The following PHLPP1 variants were observed in gnomAD, a reference collection of about 807,000 sequenced individuals.
PHLPP1 encodes the protein PH domain and leucine rich repeat protein phosphatase 1.
Under a neutral mutation model 117.2 loss-of-function variants are expected in PHLPP1, and 42 were observed. The observed-to-expected ratio is 0.36, with a 90% CI of 0.28 to 0.46. The LOEUF is 0.46. Among genes scored for constraint, PHLPP1 ranks in the 20% least tolerant of loss-of-function variants. The pLI, the probability that PHLPP1 is intolerant of heterozygous loss-of-function variation, is 1.00. For missense variants in PHLPP1, 2,084 were observed against 2,241.9 expected (o/e 0.93, Z 1.42); for synonymous variants, 1,042 against 970.7 (o/e 1.07, Z -1.37).
chr18:62,942,069 T>C (rs376101340), intron 11 of PHLPP1, among the ~76,000 whole-genome samples, 151 bp downstream of exon 11: 4 of 152,358 alleles, frequency 2.6e-5, no homozygotes, highest in African/African-American at 9.6e-5. Flanking sequence ...TAAGCTATGA[T>C]GACATTTCCC....
intron 1 of PHLPP1, among the ~76,000 whole-genome samples, chr18:62,826,045 G>C (rs550413540): frequency 6.6e-6 from 1 of 152,222 alleles, no homozygotes; most frequent in East Asian, 1.9e-4. Context: ...AAAGAAATGG[G>C]AATAGGCTCT....
chr18:62,812,395 CCA>C (rs1228471634), intron 1 of PHLPP1, among the ~76,000 whole-genome samples: 2 of 152,142 alleles, frequency 1.3e-5, no homozygotes, highest in Admixed American at 6.5e-5. Context: ...ATCCTGATTT[CCA>C]CACACACAGC....
chr18:62,857,099 T>C (rs1246012616), intron 3 of PHLPP1, among the ~76,000 whole-genome samples: 2 of 18,466 alleles, frequency 1.1e-4, no homozygotes, highest in Admixed American at 9.1e-4. Context: ...ACATGTTGAA[T>C]GAATGAAAAT....
At chr18:62,919,702 T>G (rs1909403028) in intron 9 of PHLPP1, among the ~76,000 whole-genome samples, 1 of 152,228 alleles carries the variant, frequency 6.6e-6, no homozygotes, top group Admixed American at 6.5e-5. Flanking sequence ...AAGATTAGAC[T>G]GATCTCTTCA....
At chr18:62,872,012 C>T (rs546059297) in intron 4 of PHLPP1, among the ~76,000 whole-genome samples, 1 of 152,208 alleles carries the variant, frequency 6.6e-6, no homozygotes, top group Admixed American at 6.5e-5. Flanking sequence ...ATTGAAGGAC[C>T]TAGAGTTTGT....
At chr18:62,915,335 C>A (rs1459191367) in intron 9 of PHLPP1, among the ~76,000 whole-genome samples, 2 of 152,208 alleles carry the variant, frequency 1.3e-5, no homozygotes, top group Non-Finnish European at 2.9e-5. Flanking sequence ...CTTTCAGAAT[C>A]TTCCACCTCT....
chr18:62,894,906 G>C, intron 4 of PHLPP1, 105 bp from the exon 5 acceptor site: 1 of 970,112 alleles, frequency 1.0e-6, no homozygotes, highest in Non-Finnish European at 1.5e-6. Context: ...TTCCTCTTTA[G>C]TTGAATTTGG....
chr18:62,875,316 C>T (rs941533966), intron 4 of PHLPP1, among the ~76,000 whole-genome samples: 2 of 152,094 alleles, frequency 1.3e-5, no homozygotes, highest in African/African-American at 4.8e-5. Flanking sequence ...AAAAAGTATA[C>T]CACCAGCGTT....
At chr18:62,948,975 T>C (rs1278823144) in intron 12 of PHLPP1, among the ~76,000 whole-genome samples, 1 of 152,190 alleles carries the variant, frequency 6.6e-6, no homozygotes. Context: ...TTTTTATGTA[T>C]TTTATGTAAA....
intron 12 of PHLPP1, among the ~76,000 whole-genome samples, chr18:62,956,243 A>G (rs904921898): frequency 3.3e-5 from 5 of 152,190 alleles, no homozygotes; most frequent in African/African-American, 7.2e-5. Context: ...GAAGTCCAAG[A>G]TGAAGGTACC....
In PHLPP1 at chr18:62,979,205, C is replaced by T; in HGVS notation, c.4928C>T (p.Ala1643Val). The T allele has an allele frequency of 1.2e-6, 2 of 1,612,324 alleles. No individual in the cohort carries two copies. Among genetic ancestry groups the T allele is most frequent in the African/African-American group, 1.3e-5 (1 of 75,036 alleles). The change falls in exon 17 of 17, where the codon GCA becomes GTA. Residue 1643 changes from alanine (A) to valine (V), a missense_variant. By Grantham distance (64) the Ala-to-Val change is moderately conservative (BLOSUM62 0). This residue lies in a region of PHLPP1 where 1,365 missense variants were observed against 1,605.9 expected (regional missense o/e 0.85). Coordinates refer to ENST00000262719, the MANE Select transcript of PHLPP1 (RefSeq NM_194449.4). ...SHNVIEVATD[A>V]PLRKPGGYFA... ...AATGTGATAGAGGTGGCTACAGACG[C>T]ACCTCTTCGAAAGCCTGGAGGCTAT... is the stretch of plus-strand genomic sequence containing the variant.
At chr18:62,873,019 G>A (rs1439308520) in intron 4 of PHLPP1, among the ~76,000 whole-genome samples, 1 of 151,506 alleles carries the variant, frequency 6.6e-6, no homozygotes, top group Non-Finnish European at 1.5e-5. Flanking sequence ...AAAAGGGGAG[G>A]TCAGAGCACT....
chr18:62,821,952 C>T (rs1027134940), intron 1 of PHLPP1, among the ~76,000 whole-genome samples: 1 of 151,946 alleles, frequency 6.6e-6, no homozygotes, highest in African/African-American at 2.4e-5. Flanking sequence ...TTTAATTAGC[C>T]GAGCATGCTG....
intron 3 of PHLPP1, among the ~76,000 whole-genome samples, chr18:62,848,651 A>G (rs958498245): frequency 2.0e-5 from 3 of 151,756 alleles, no homozygotes; most frequent in African/African-American, 7.3e-5. Flanking sequence ...TTTTGTAGAG[A>G]TGGGGTCTTG....
chr18:62,917,083 C>T (rs1295703747), intron 9 of PHLPP1, among the ~76,000 whole-genome samples: 6 of 150,808 alleles, frequency 4.0e-5, no homozygotes, highest in African/African-American at 1.5e-4. Flanking sequence ...TCTTTCCCAC[C>T]TCCACCCCTC....
Position 62,715,906 on chromosome 18 carries a change from C to G in PHLPP1, c.223C>G (p.Pro75Ala). The G allele has an allele frequency of 1.1e-6, 1 of 937,566 alleles. No individual in the cohort carries two copies. Among genetic ancestry groups the G allele is most frequent in the Non-Finnish European group, 1.3e-6 (1 of 782,094 alleles). The allele number at this position is 937,566 out of a possible 1,614,324, so 58.1% of individuals were successfully genotyped here. The change falls in exon 1 of 17, where the codon CCA (proline) becomes GCA (alanine). Residue 75 changes from proline to alanine, a missense_variant. Physicochemically the swap from Pro to Ala is conservative, Grantham distance 27. This residue lies in a region of PHLPP1 where 719 missense variants were observed against 636.0 expected (regional missense o/e 1.13). Transcript: ENST00000262719. ...CGGCAGCGGGGCGCGGGAAGAGGCC[C>G]CAGGCGAGGCGCCGCCGGGGCCGCT... ...GSGSGAREEA[P>A]GEAPPGPLPG... is the part of the protein sequence containing the mutation.
rs188244930 is a variant in PHLPP1, at chr18:62,773,951, G to A, written c.1577-56084G>A. ...AGGAAAGGCAAGGCAGCTCTCTGGGGCTGCTTTTATGAGGTCACTAATCTC... is the reference window on the plus strand; with the variant it reads ...AGGAAAGGCAAGGCAGCTCTCTGGGACTGCTTTTATGAGGTCACTAATCTC... On this transcript the variant is annotated intron_variant, in intron 1 of 16. Transcript: ENST00000262719. 2.0e-5 allele frequency among the ~76,000 whole-genome samples: 3 copies of A among 152,226 alleles called. No individual in the cohort carries two copies. In the East Asian group the frequency reaches 5.8e-4, roughly 29 times the overall value.
intron 9 of PHLPP1, among the ~76,000 whole-genome samples, chr18:62,916,864 G>T (rs1397850066): frequency 7.1e-6 from 1 of 141,660 alleles, no homozygotes; most frequent in Non-Finnish European, 1.5e-5. Flanking sequence ...AGCAATTCTC[G>T]TGCCTCAGCC....
At chr18:62,833,742 A>G (rs1352964387) in intron 2 of PHLPP1, among the ~76,000 whole-genome samples, 1 of 152,168 alleles carries the variant, frequency 6.6e-6, no homozygotes. Context: ...TATAATGTCT[A>G]CTGTAAACAT....
Sources: allele counts gnomAD v4.1 joint callset (sites outside exome capture counted in the v4.1 genomes callset), GRCh38; gene constraint gnomAD v4.1.1; regional missense constraint gnomAD v4.1.1; transcripts MANE v1.5; gene names NCBI Gene and HGNC (gene_info 2026-07-23, HGNC 2026-07-21).